Variants in KAT6B observed in about 807,000 individuals in gnomAD.
The protein encoded by KAT6B is lysine acetyltransferase 6B, also known as histone acetyltransferase KAT6B.
In KAT6B, 10 loss-of-function variants were observed where a neutral mutation model predicts 187.5. That is an observed-to-expected ratio of 0.05 (90% CI 0.03 to 0.09). The LOEUF (loss-of-function observed/expected upper bound fraction) is 0.09. Ranked by LOEUF, KAT6B falls within the 10% of genes least tolerant of loss-of-function variation. The probability of loss-of-function intolerance (pLI) is 1.00; values close to 1 mark genes in which losing one functional copy is unlikely to be tolerated. For missense variants in KAT6B, 1,952 were observed against 2,558.9 expected (o/e 0.76, Z 5.12); for synonymous variants, 861 against 926.8 (o/e 0.93, Z 1.29).
At chr10:74,831,530 C>CT (rs1840862648) in intron 1 of KAT6B, among the ~76,000 whole-genome samples, 1 of 152,144 alleles carries the variant, frequency 6.6e-6, no homozygotes, top group Non-Finnish European at 1.5e-5. Context: ...CTTTCCTTCA[C>CT]TTTTTTCTGT....
At chr10:74,829,850 C>T (rs1840605858) in intron 1 of KAT6B, among the ~76,000 whole-genome samples, 1 of 151,372 alleles carries the variant, frequency 6.6e-6, no homozygotes, top group Non-Finnish European at 1.5e-5. Flanking sequence ...AACCCCATCT[C>T]TACTAAAAAT....
intron 3 of KAT6B, among the ~76,000 whole-genome samples, chr10:74,875,413 T>C (rs1343423533): frequency 6.6e-6 from 1 of 152,206 alleles, no homozygotes; most frequent in Non-Finnish European, 1.5e-5. Context: ...TAGATTACCA[T>C]TAAATGGTAA....
intron 4 of KAT6B, among the ~76,000 whole-genome samples, chr10:74,964,758 T>C (rs760818449): frequency 2.1e-4 from 32 of 152,186 alleles, no homozygotes; most frequent in Non-Finnish European, 4.4e-4. Context: ...CTGGAGGATT[T>C]CCTATATTCA....
intron 13 of KAT6B, among the ~76,000 whole-genome samples, chr10:74,999,316 G>A (rs918061272): frequency 7.2e-5 from 11 of 152,206 alleles, no homozygotes; most frequent in Admixed American, 6.5e-5. Flanking sequence ...GGATGTCTAC[G>A]TGCACTTTGC....
At chr10:74,939,795 G>A (rs1485497376) in intron 3 of KAT6B, among the ~76,000 whole-genome samples, 3 of 152,216 alleles carry the variant, frequency 2.0e-5, no homozygotes, top group Admixed American at 6.5e-5. Context: ...AAATATGTTG[G>A]AAGTGTGCAG....
intron 3 of KAT6B, among the ~76,000 whole-genome samples, chr10:74,952,008 A>G (rs1840351418): frequency 6.6e-6 from 1 of 152,230 alleles, no homozygotes; most frequent in African/African-American, 2.4e-5. Context: ...AAACAGACAA[A>G]TAAATGATAT....
At chr10:74,977,586 A>G in intron 9 of KAT6B, 149 bp downstream of exon 9, 1 of 1,031,978 alleles carries the variant, frequency 9.7e-7, no homozygotes, top group South Asian at 1.3e-5. Flanking sequence ...TACTGACTGT[A>G]CATTCAAAAG....
At chr10:74,965,125 G>A (rs1465971044) in intron 4 of KAT6B, among the ~76,000 whole-genome samples, 1 of 152,116 alleles carries the variant, frequency 6.6e-6, no homozygotes, top group East Asian at 1.9e-4. Context: ...TTCTGGATTG[G>A]GCTCTGGTTT....
intron 4 of KAT6B, 41 bp from the exon 5 acceptor site, chr10:74,969,619 G>A (rs752406735): frequency 1.4e-5 from 17 of 1,190,596 alleles, no homozygotes; most frequent in Non-Finnish European, 5.0e-6. Context: ...AAAAGTCAAA[G>A]GCACCATTCC....
intron 3 of KAT6B, among the ~76,000 whole-genome samples, chr10:74,864,373 T>A (rs1843408114): frequency 6.6e-6 from 1 of 152,134 alleles, no homozygotes; most frequent in Non-Finnish European, 1.5e-5. Context: ...CCTGAATAGC[T>A]GGGATTACAG....
At position 74,994,564 on chromosome 10, in the gene KAT6B, C is replaced by G. The variant is rs776475354; in HGVS notation, c.2629+5452C>G. ...TTGGGAGGCCGAGACAGGCGGATCT[C>G]TTGAGGCCAGGAGTTCAAGACCAGC... On this transcript the variant is annotated intron_variant, in intron 13 of 17. Coordinates refer to ENST00000287239, the MANE Select transcript of KAT6B (RefSeq NM_012330.4). Among the ~76,000 whole-genome samples the G allele has an allele frequency of 1.2e-4, 18 of 151,918 alleles. 1 individual carries two copies. Among genetic ancestry groups the G allele is most frequent in the Non-Finnish European group, 2.4e-4 (16 of 67,980 alleles).
intron 3 of KAT6B, among the ~76,000 whole-genome samples, chr10:74,865,263 G>A (rs1389545449): frequency 6.6e-6 from 1 of 152,142 alleles, no homozygotes; most frequent in Non-Finnish European, 1.5e-5. Flanking sequence ...GTTTGACAGT[G>A]GTCTTTTGAT....
chr10:74,908,897 C>A (rs1257992278), intron 3 of KAT6B, among the ~76,000 whole-genome samples: 1 of 152,212 alleles, frequency 6.6e-6, no homozygotes, highest in Non-Finnish European at 1.5e-5. Context: ...GCTGCCTTGA[C>A]TCCTTTTCCC....
chr10:74,954,565 C>G (rs1391351223), intron 3 of KAT6B, among the ~76,000 whole-genome samples: 1 of 152,154 alleles, frequency 6.6e-6, no homozygotes, highest in Non-Finnish European at 1.5e-5. Context: ...GTTTTGTACT[C>G]TGTAACCACA....
intron 4 of KAT6B, among the ~76,000 whole-genome samples, chr10:74,965,052 T>G (rs1465295682): frequency 6.6e-6 from 1 of 152,224 alleles, no homozygotes; most frequent in Non-Finnish European, 1.5e-5. Context: ...TCACATAATT[T>G]CATAAGTGGC....
intron 13 of KAT6B, among the ~76,000 whole-genome samples, chr10:74,998,268 A>G (rs1479915014): frequency 2.0e-5 from 3 of 152,066 alleles, no homozygotes; most frequent in African/African-American, 7.2e-5. Flanking sequence ...GTTATTTTCT[A>G]AAGGAATTCA....
At chr10:74,998,733 A>G (rs1301996529) in intron 13 of KAT6B, among the ~76,000 whole-genome samples, 1 of 152,230 alleles carries the variant, frequency 6.6e-6, no homozygotes, top group Non-Finnish European at 1.5e-5. Context: ...AGCCTGGGCA[A>G]CATAGTAAGA....
chr10:74,900,640 G>A (rs1204646286), intron 3 of KAT6B, among the ~76,000 whole-genome samples: 2 of 152,238 alleles, frequency 1.3e-5, no homozygotes, highest in Non-Finnish European at 2.9e-5. Flanking sequence ...TGGCTAGGGG[G>A]TGAGGGCACT....
chr10:74,887,381 G>A (rs935978853), intron 3 of KAT6B, among the ~76,000 whole-genome samples: 4 of 152,170 alleles, frequency 2.6e-5, no homozygotes, highest in Non-Finnish European at 4.4e-5. Flanking sequence ...AGGCTGGAGT[G>A]TAGTGGCGCA....
Sources: allele counts gnomAD v4.1 joint callset (sites outside exome capture counted in the v4.1 genomes callset), GRCh38; gene constraint gnomAD v4.1.1; transcripts MANE v1.5; gene names NCBI Gene and HGNC (gene_info 2026-07-23, HGNC 2026-07-21).